The following EIPR1 variants were observed in gnomAD, a reference collection of about 807,000 sequenced individuals.
EIPR1 encodes EARP complex and GARP complex interacting protein 1.
Under a neutral mutation model 48.1 loss-of-function variants are expected in EIPR1, and 25 were observed. That is an observed-to-expected ratio of 0.52 (90% confidence interval 0.38 to 0.73). The LOEUF is 0.73. EIPR1 is among the 30% of genes least tolerant of loss of function. The probability of loss-of-function intolerance (pLI) is 0.00; values close to 1 mark genes in which losing one functional copy is unlikely to be tolerated. For missense variants in EIPR1, 415 were observed against 506.2 expected, an observed-to-expected ratio of 0.82 and a Z score of 1.73; for synonymous variants, 204 against 201.9, an observed-to-expected ratio of 1.01 and a Z score of -0.09.
intron 5 of EIPR1, among the ~76,000 whole-genome samples, chr2:3,202,062 C>T (rs6743077): frequency 0.45 from 68,341 of 151,882 alleles, 16,305 homozygotes; most frequent in Middle Eastern, 0.62. Context: ...CTCAGCCTCC[C>T]GAGTAGCTGG....
intron 4 of EIPR1, among the ~76,000 whole-genome samples, chr2:3,230,352 T>C (rs927822508): frequency 6.6e-6 from 1 of 152,140 alleles, no homozygotes; most frequent in Non-Finnish European, 1.5e-5. Flanking sequence ...TGTGGGTGTG[T>C]GTGGGGAAAT....
At chr2:3,193,968 T>C (rs766461054) in intron 7 of EIPR1, 31 bp downstream of exon 7, 1 of 1,610,734 alleles carries the variant, frequency 6.2e-7, no homozygotes, top group South Asian at 1.1e-5. Context: ...CGTAATCCCC[T>C]CCTCCCTGAA....
intron 4 of EIPR1, among the ~76,000 whole-genome samples, chr2:3,235,462 A>ACACAC (rs34325654): frequency 1.3e-5 from 2 of 151,536 alleles, no homozygotes; most frequent in African/African-American, 4.9e-5. Flanking sequence ...ACACACACAC[A>ACACAC]CCCCCCAATA....
chr2:3,264,401 C>T (rs955126051), intron 3 of EIPR1, among the ~76,000 whole-genome samples: 6 of 152,242 alleles, frequency 3.9e-5, no homozygotes, highest in Non-Finnish European at 2.9e-5. Flanking sequence ...GATAGGCAGG[C>T]TGCTTCCTTA....
intron 3 of EIPR1, among the ~76,000 whole-genome samples, chr2:3,272,295 AT>A: frequency 6.6e-6 from 1 of 152,296 alleles, no homozygotes; most frequent in Non-Finnish European, 1.5e-5. Context: ...AGCACTTTTA[AT>A]TTCCTTCAAG....
intron 3 of EIPR1, among the ~76,000 whole-genome samples, chr2:3,269,400 TCG>T (rs1667610824): frequency 7.4e-6 from 1 of 135,954 alleles, no homozygotes; most frequent in Non-Finnish European, 1.5e-5. Context: ...CACTCAGTCA[TCG>T]CACTCAATCA....
At chr2:3,204,507 A>T (rs1164635589) in intron 5 of EIPR1, among the ~76,000 whole-genome samples, 2 of 152,108 alleles carry the variant, frequency 1.3e-5, no homozygotes, top group Non-Finnish European at 2.9e-5. Flanking sequence ...ACAGGGTGCA[A>T]TGCATGCAGT....
intron 4 of EIPR1, among the ~76,000 whole-genome samples, chr2:3,219,883 C>T (rs191392865): frequency 2.0e-5 from 3 of 152,294 alleles, no homozygotes; most frequent in African/African-American, 7.2e-5. Context: ...TTCCCAACCC[C>T]CAGACTGTGG....
At chr2:3,372,323 T>G (rs981561211) in intron 1 of EIPR1, among the ~76,000 whole-genome samples, 1 of 150,606 alleles carries the variant, frequency 6.6e-6, no homozygotes, top group Non-Finnish European at 1.5e-5. Context: ...TTAAAAGAAC[T>G]AGAAAAGCAA....
In EIPR1 at chr2:3,279,698, G is replaced by A. The variant is rs943675798; in HGVS notation, c.260-22243C>T. Among the ~76,000 whole-genome samples, 31 of 152,356 alleles carry A rather than the reference G, an allele frequency of 2.0e-4. 1 individual carries two copies. Among genetic ancestry groups the A allele is most frequent in the South Asian group, 1.4e-3 (7 of 4,828 alleles). On this transcript the variant is annotated intron_variant, in intron 3 of 8. Transcript: ENST00000382125. ...GGAATGGTGAATGCCCAGGCACGAGGGTCGGGACAGCGGCCTGCTCATCTG... is the reference window on the plus strand; with the variant it reads ...GGAATGGTGAATGCCCAGGCACGAGAGTCGGGACAGCGGCCTGCTCATCTG...
chr2:3,211,831 T>C (rs1297574080), intron 5 of EIPR1, among the ~76,000 whole-genome samples: 2 of 152,048 alleles, frequency 1.3e-5, no homozygotes. Flanking sequence ...TCGTGGCGAG[T>C]GAAAGCTGGG....
At chr2:3,218,491 G>C (rs1173682605) in intron 4 of EIPR1, among the ~76,000 whole-genome samples, 2 of 100,668 alleles carry the variant, frequency 2.0e-5, no homozygotes, top group Non-Finnish European at 2.0e-5. Context: ...TGCACACCCA[G>C]CAGGGCCCTG....
At chr2:3,316,467 C>T (rs549014540) in intron 3 of EIPR1, among the ~76,000 whole-genome samples, 38 of 152,018 alleles carry the variant, frequency 2.5e-4, no homozygotes, top group Non-Finnish European at 4.9e-4. Context: ...CATTTAAGTC[C>T]CATACTTCTA....
intron 1 of EIPR1, among the ~76,000 whole-genome samples, chr2:3,360,734 C>A (rs537263083): frequency 1.3e-5 from 2 of 152,256 alleles, no homozygotes; most frequent in East Asian, 3.9e-4. Context: ...TATCAGAATT[C>A]TCCACTTAGA....
At chr2:3,354,806 C>T (rs993276579) in intron 1 of EIPR1, among the ~76,000 whole-genome samples, 173 bp from the exon 2 acceptor site, 2 of 152,190 alleles carry the variant, frequency 1.3e-5, no homozygotes, top group East Asian at 1.9e-4. Flanking sequence ...GACTTTTGCA[C>T]ACTTTCAACA....
chr2:3,228,720 C>A (rs1318794142), intron 4 of EIPR1, among the ~76,000 whole-genome samples: 3 of 152,048 alleles, frequency 2.0e-5, no homozygotes, highest in African/African-American at 7.3e-5. Flanking sequence ...ATCATGGGGG[C>A]AATTTCTCCC....
chr2:3,226,838 C>T (rs1666080999), intron 4 of EIPR1, among the ~76,000 whole-genome samples: 1 of 152,172 alleles, frequency 6.6e-6, no homozygotes. Flanking sequence ...ATAAGTCCCA[C>T]AAGATCTGAT....
rs1291636081 is a variant in EIPR1 at position 3,312,182 on chromosome 2, C to G, written c.259+25835G>C. Among the ~76,000 whole-genome samples the G allele has an allele frequency of 6.6e-6, 1 of 152,190 alleles. No individual in the cohort carries two copies. The highest frequency in any genetic ancestry group is 6.5e-5 in the Admixed American group (1 of 15,282). ...TTGCCCCCCGAATCTGTCCATCACT[C>G]TGCACATGGAGTGACCTGCAGCCAC... On this transcript the variant is annotated intron_variant, in intron 3 of 8. Transcript: ENST00000382125. This position sits in a 1 kb window ranked among gnomAD's most constrained non-coding sequence, Gnocchi z 5.5.
intron 4 of EIPR1, among the ~76,000 whole-genome samples, chr2:3,229,043 A>T (rs946240876): frequency 1.3e-5 from 2 of 152,222 alleles, no homozygotes; most frequent in Admixed American, 6.5e-5. Flanking sequence ...ATGACACAGA[A>T]ATTATTTTTG....
Sources: allele counts gnomAD v4.1 joint callset (sites outside exome capture counted in the v4.1 genomes callset), GRCh38; gene constraint gnomAD v4.1.1; non-coding constraint Gnocchi (gnomAD v3.1); transcripts MANE v1.5; gene names NCBI Gene and HGNC (gene_info 2026-07-23, HGNC 2026-07-21).